Variants in SP1 observed in about 807,000 individuals in gnomAD.
The protein encoded by SP1 is transcription factor Sp1.
A neutral mutation model predicts 66.3 loss-of-function variants in SP1; 6 were observed. The ratio of observed to expected loss-of-function variants is 0.09; its 90% confidence interval spans 0.05 to 0.18. The LOEUF is 0.18. Ranked by LOEUF, SP1 falls within the 10% of genes least tolerant of loss-of-function variation. The pLI is 1.00. For synonymous variants in SP1, 417 were observed against 360.8 expected (o/e 1.16, Z -1.77); for missense variants, 848 against 964.5 (o/e 0.88, Z 1.60).
intron 3 of SP1, among the ~76,000 whole-genome samples, chr12:53,398,650 C>T (rs574112966): frequency 5.3e-5 from 8 of 152,112 alleles, no homozygotes; most frequent in African/African-American, 9.6e-5. Context: ...AGAATAAATA[C>T]GATGTGAAGG....
intron 3 of SP1, among the ~76,000 whole-genome samples, chr12:53,387,396 C>G (rs1187081060): frequency 6.6e-6 from 1 of 152,234 alleles, no homozygotes; most frequent in Middle Eastern, 3.4e-3. Flanking sequence ...TTTGGTAAAT[C>G]TAGGGGGAAA....
In SP1 at chr12:53,411,721, A is replaced by G. The variant is rs1319465406; in HGVS notation, c.*481A>G. 1.3e-5 allele frequency: 2 copies of G among 150,746 alleles called. No homozygotes were observed. Among genetic ancestry groups the G allele is most frequent in the South Asian group, 4.2e-4 (2 of 4,770 alleles). The allele number at this position is 150,746 out of a possible 1,614,324, so 9.3% of individuals were successfully genotyped here. On this transcript the variant is annotated 3_prime_UTR_variant, in exon 6 of 6. Transcript: ENST00000327443. ...TCACAGGGGTTGGCTGGGAGGAGGA[A>G]GACCATTCTGTGACCAAAATACCTT... is the stretch of plus-strand genomic sequence containing the variant.
Position 53,412,746 on chromosome 12 carries a change from T to C in SP1, c.*1506T>C, listed in dbSNP as rs978523924. ...GGGAGAAATCATCCTGTTTTCTCTGTGACCTGATTTCAGAAGAGACTGATC... is the reference window on the plus strand; with the variant it reads ...GGGAGAAATCATCCTGTTTTCTCTGCGACCTGATTTCAGAAGAGACTGATC... On this transcript the variant is annotated 3_prime_UTR_variant, in exon 6 of 6. Coordinates refer to ENST00000327443, the MANE Select transcript of SP1 (RefSeq NM_138473.3). 1 of 152,636 alleles carries C rather than the reference T, an allele frequency of 6.6e-6. No homozygotes were observed. Among genetic ancestry groups the C allele is most frequent in the Non-Finnish European group, 1.5e-5 (1 of 68,054 alleles). The allele number at this position is 152,636 out of a possible 1,614,324, so 9.5% of individuals were successfully genotyped here.
chr12:53,406,666 A>G lies in SP1; in HGVS notation c.1757A>G (p.Glu586Gly). The part of the protein sequence containing the change: ...HDDTAGGEEG[E>G]NSPDAQPQAG... ...GACACAGCAGGTGGAGAGGAAGGAG[A>G]AAACAGCCCAGATGCCCAACCCCAA... is the stretch of plus-strand genomic sequence containing the variant. The change falls in exon 4 of 6, where the codon GAA becomes GGA. Residue 586 changes from glutamate to glycine, a missense_variant. Transcript: ENST00000327443. The G allele has an allele frequency of 6.2e-7, 1 of 1,614,048 alleles. No individual in the cohort carries two copies. The highest frequency in any genetic ancestry group is 8.5e-7 in the Non-Finnish European group (1 of 1,179,988).
rs765060887 is a variant in SP1 at position 53,383,087 on chromosome 12, G to A, written c.1140G>A (p.Leu380=). 2 of 1,614,188 alleles carry A rather than the reference G, an allele frequency of 1.2e-6. No homozygotes were observed. Among genetic ancestry groups the A allele is most frequent in the Non-Finnish European group, 8.5e-7 (1 of 1,180,040 alleles). ...IQQNQTSGGS[L]QAGQQKEGEQ... The stretch of plus-strand genomic sequence containing the variant: ...AAAACCAGACATCTGGAGGCTCATT[G>A]CAAGCAGGCCAGCAAAAAGAAGGAG... The change falls in exon 3 of 6, where the codon TTG becomes TTA. Residue 380 remains leucine (L), a synonymous_variant. Coordinates refer to ENST00000327443, the MANE Select transcript of SP1 (RefSeq NM_138473.3).
chr12:53,406,566 T>A lies in SP1; in HGVS notation c.1676-19T>A. 1 of 1,610,912 alleles carries A rather than the reference T, an allele frequency of 6.2e-7. No individual in the cohort carries two copies. ...ACCTGCCCATGTCACATGTTGACCC[T>A]TTTCTCTCTTAATTTCAGGTGATCA... On this transcript the variant is annotated intron_variant, in intron 3 of 5. Transcript: ENST00000327443.
chr12:53,390,159 AG>A (rs1184194528), intron 3 of SP1, among the ~76,000 whole-genome samples: 3 of 152,196 alleles, frequency 2.0e-5, no homozygotes, highest in Non-Finnish European at 2.9e-5. Context: ...TTTGTGCAAA[AG>A]GTCATATGAA....
At chr12:53,381,598 C>G in intron 1 of SP1, 61 bp from the exon 2 acceptor site, 2 of 1,462,730 alleles carry the variant, frequency 1.4e-6, no homozygotes, top group Non-Finnish European at 1.9e-6. Context: ...TCCTTTTATC[C>G]TTCCTACTTC....
rs1741254623 is a variant in SP1 at position 53,416,291 on chromosome 12, C to G, written c.*5051C>G. On this transcript the variant is annotated 3_prime_UTR_variant, in exon 6 of 6. Coordinates refer to ENST00000327443, the MANE Select transcript of SP1 (RefSeq NM_138473.3). ...TCCCTAAGTAAGTTTCTTCCTGCTC[C>G]TTTTGTATCTTCCTTTCTTGTCTTT... 1 of 150,986 alleles carries G rather than the reference C, an allele frequency of 6.6e-6. No homozygotes were observed. The highest frequency in any genetic ancestry group is 2.5e-5 in the African/African-American group (1 of 40,738). 9.4% of individuals were successfully genotyped at this position (150,986 alleles called of 1,614,324 possible).
At chr12:53,380,946 C>CTTTTTTTTTTTT (rs35296566) in intron 1 of SP1, among the ~76,000 whole-genome samples, 2 of 100,800 alleles carry the variant, frequency 2.0e-5, no homozygotes, top group Non-Finnish European at 3.7e-5. Context: ...TTTTGTTTGT[C>CTTTTTTTTTTTT]TTTTTTTTTT....
At chr12:53,384,169 C>T (rs1938174572) in intron 3 of SP1, among the ~76,000 whole-genome samples, 1 of 152,018 alleles carries the variant, frequency 6.6e-6, no homozygotes, top group African/African-American at 2.4e-5. Flanking sequence ...CGGGGTTTCA[C>T]CATGTGAGCT....
intron 3 of SP1, among the ~76,000 whole-genome samples, chr12:53,400,443 T>C (rs1421999618): frequency 6.6e-6 from 1 of 152,246 alleles, no homozygotes; most frequent in African/African-American, 2.4e-5. Context: ...TTTCTGTGTT[T>C]TAGCTATCAT....
intron 3 of SP1, among the ~76,000 whole-genome samples, chr12:53,392,917 C>T (rs1938388678): frequency 6.6e-6 from 1 of 152,098 alleles, no homozygotes; most frequent in Admixed American, 6.6e-5. Flanking sequence ...CTCCACCTCT[C>T]GGGTTCAAGC....
Position 53,382,783 on chromosome 12 carries a change from C to G in SP1, c.836C>G (p.Pro279Arg), listed in dbSNP as rs1938136556. 1 of 1,614,060 alleles carries G rather than the reference C, an allele frequency of 6.2e-7. No individual in the cohort carries two copies. The highest frequency in any genetic ancestry group is 8.5e-7 in the Non-Finnish European group (1 of 1,180,044). ...AGCGTTTCTGCAGCTACCTTGACTC[C>G]CAGCTCTCAGGCAGTCACGATCAGC... ...VNSVSAATLTPSSQAVTISSS... is the reference protein window; with the variant it reads ...VNSVSAATLTRSSQAVTISSS... Residue 279 changes from proline (P) to arginine (R), a missense_variant, in exon 3 of 6, where the codon CCC (proline) becomes CGC (arginine). Physicochemically the swap from Pro to Arg is moderately radical, Grantham distance 103. Coordinates refer to ENST00000327443, the MANE Select transcript of SP1 (RefSeq NM_138473.3).
rs1361241010 is a variant in SP1, at chr12:53,380,182, C to A, written c.-110C>A. 5 of 754,372 alleles carry A rather than the reference C, an allele frequency of 6.6e-6. No individual in the cohort carries two copies. The highest frequency in any genetic ancestry group is 1.2e-5 in the Non-Finnish European group (5 of 422,094). 46.7% of individuals were successfully genotyped at this position (754,372 alleles called of 1,614,324 possible). A position where few individuals can be genotyped will look rare whatever the true frequency, so the allele number is the denominator to read the frequency against. ...GCGCTGCTCCCTCCTCCTTACCCCC[C>A]CCTCCCTGTCCGGTCCGGGTTCGCT... On this transcript the variant is annotated 5_prime_UTR_variant, in exon 1 of 6. Coordinates refer to ENST00000327443, the MANE Select transcript of SP1 (RefSeq NM_138473.3).
chr12:53,405,499 C>G (rs552182338), intron 3 of SP1, among the ~76,000 whole-genome samples: 43 of 152,130 alleles, frequency 2.8e-4, no homozygotes, highest in African/African-American at 1.0e-3. Flanking sequence ...GAAACCCCAT[C>G]TCTCCTAAAA....
At position 53,411,034 on chromosome 12, in the gene SP1, G is replaced by T; in HGVS notation, c.2152G>T (p.Ala718Ser). The change falls in exon 6 of 6, where the codon GCT (alanine) becomes TCT (serine). Residue 718 changes from alanine to serine, a missense_variant. By Grantham distance (99) the Ala-to-Ser change is moderately conservative (BLOSUM62 1). Around this residue, in one of 7 missense-constraint regions of SP1, gnomAD observed 73 missense variants for 91.9 expected, o/e 0.79. Transcript: ENST00000327443. ...GAATAAGAAGGGAGGCCCAGGTGTA[G>T]CTCTGAGTGTGGGCACTTTGCCCCT... is the stretch of plus-strand genomic sequence containing the variant. Reference protein sequence around the residue: ...HQNKKGGPGVALSVGTLPLDS... With the variant: ...HQNKKGGPGVSLSVGTLPLDS... 1 of 1,614,232 alleles carries T rather than the reference G, an allele frequency of 6.2e-7. No individual in the cohort carries two copies. Among genetic ancestry groups the T allele is most frequent in the Non-Finnish European group, 8.5e-7 (1 of 1,180,030 alleles).
chr12:53,399,252 T>C (rs1938554022), intron 3 of SP1, among the ~76,000 whole-genome samples: 1 of 152,166 alleles, frequency 6.6e-6, no homozygotes, highest in Non-Finnish European at 1.5e-5. Flanking sequence ...TTGTTTTTTG[T>C]TTTTTTGAGC....
rs1055658572 is a variant in SP1, at chr12:53,415,537, T to A, written c.*4297T>A. ...GGAGTATTTTGTCCCATTTTCCCCT[T>A]CCTCATTATCAAACAGCCCCAGTCT... On this transcript the variant is annotated 3_prime_UTR_variant, in exon 6 of 6. Transcript: ENST00000327443. 4 of 151,944 alleles carry A rather than the reference T, an allele frequency of 2.6e-5. No individual in the cohort carries two copies. Among genetic ancestry groups the A allele is most frequent in the Non-Finnish European group, 5.9e-5 (4 of 67,968 alleles). The allele number at this position is 151,944 out of a possible 1,614,324, so 9.4% of individuals were successfully genotyped here. A position where few individuals can be genotyped will look rare whatever the true frequency, so the allele number is the denominator to read the frequency against.
Sources: gnomAD v4.1 joint callset for allele counts (sites outside exome capture counted in the v4.1 genomes callset) on GRCh38, gnomAD v4.1.1 for gene constraint, gnomAD v4.1.1 regional missense constraint, MANE v1.5 for transcripts, NCBI Gene and HGNC (gene_info 2026-07-23, HGNC 2026-07-21) for gene names.